The following RUNDC3B variants were observed in gnomAD, a reference collection of about 807,000 sequenced individuals.
RUNDC3B encodes the protein RUN domain-containing protein 3B.
In RUNDC3B, 33 loss-of-function variants were observed where a neutral mutation model predicts 58.4. That is an observed-to-expected ratio of 0.56 (90% CI 0.43 to 0.75). The LOEUF (loss-of-function observed/expected upper bound fraction) is 0.75. Among genes scored for constraint, RUNDC3B ranks in the 30% least tolerant of loss-of-function variants. The pLI is 0.00. For missense variants in RUNDC3B, 501 were observed against 535.7 expected, an observed-to-expected ratio of 0.94 and a Z score of 0.64; for synonymous variants, 193 against 195.2, an observed-to-expected ratio of 0.99 and a Z score of 0.10.
chr7:87,681,517 C>A (rs1826925874), intron 2 of RUNDC3B, among the ~76,000 whole-genome samples: 1 of 150,814 alleles, frequency 6.6e-6, no homozygotes, highest in Non-Finnish European at 1.5e-5. Flanking sequence ...ACACTGTAAT[C>A]TATTAAGTGT....
intron 6 of RUNDC3B, among the ~76,000 whole-genome samples, chr7:87,759,695 G>GACT (rs2130850976): frequency 6.6e-6 from 1 of 151,708 alleles, no homozygotes; most frequent in South Asian, 2.1e-4. Context: ...CTACTTGGGA[G>GACT]ACTAAGGGGA....
chr7:87,780,454 T>G (rs1834864441), intron 8 of RUNDC3B, among the ~76,000 whole-genome samples: 1 of 148,766 alleles, frequency 6.7e-6, no homozygotes, highest in African/African-American at 2.6e-5. Flanking sequence ...CTGGGGTTAT[T>G]TGTTTTTTTC....
chr7:87,821,133 A>G (rs1837400298), intron 10 of RUNDC3B, among the ~76,000 whole-genome samples: 1 of 151,616 alleles, frequency 6.6e-6, no homozygotes, highest in African/African-American at 2.4e-5. Context: ...TTGTATATCT[A>G]GAAAACCCCA....
chr7:87,810,710 C>T (rs1029485574), intron 9 of RUNDC3B, among the ~76,000 whole-genome samples: 4 of 152,104 alleles, frequency 2.6e-5, no homozygotes, highest in Non-Finnish European at 4.4e-5. Flanking sequence ...AATATAATTT[C>T]GTTTATTTAT....
At chr7:87,701,949 C>CTGG (rs1829080972) in intron 3 of RUNDC3B, among the ~76,000 whole-genome samples, 1 of 151,844 alleles carries the variant, frequency 6.6e-6, no homozygotes, top group African/African-American at 2.4e-5. Flanking sequence ...CGAGACCATC[C>CTGG]TGGCTAACAT....
chr7:87,720,319 T>TGA (rs1387542106), intron 4 of RUNDC3B, among the ~76,000 whole-genome samples: 6 of 151,866 alleles, frequency 4.0e-5, no homozygotes, highest in East Asian at 3.9e-4. Flanking sequence ...GATAGAAAGA[T>TGA]GAGAGAGAGA....
chr7:87,723,823 G>A (rs1396096838), intron 4 of RUNDC3B, among the ~76,000 whole-genome samples: 1 of 151,704 alleles, frequency 6.6e-6, no homozygotes, highest in Non-Finnish European at 1.5e-5. Flanking sequence ...ACAAAAATCA[G>A]CCAATATTTA....
intron 10 of RUNDC3B, among the ~76,000 whole-genome samples, chr7:87,823,158 A>C (rs1000704910): frequency 1.3e-5 from 2 of 152,136 alleles, no homozygotes; most frequent in Non-Finnish European, 2.9e-5. Context: ...GGATCAGGCC[A>C]CCTTTAGCCA....
intron 2 of RUNDC3B, among the ~76,000 whole-genome samples, chr7:87,664,650 A>AT (rs1825049960): frequency 6.6e-6 from 1 of 152,188 alleles, no homozygotes; most frequent in Non-Finnish European, 1.5e-5. Flanking sequence ...CAGAATGGAG[A>AT]TGATAGAGGT....
At chr7:87,637,464 T>A (rs1821893214) in intron 1 of RUNDC3B, among the ~76,000 whole-genome samples, 1 of 152,182 alleles carries the variant, frequency 6.6e-6, no homozygotes, top group Non-Finnish European at 1.5e-5. Flanking sequence ...TTTTCTGGGA[T>A]TTTTATTAAG....
In RUNDC3B at chr7:87,628,411, G is replaced by C. The variant is rs1820816947; in HGVS notation, c.-413G>C. Reference sequence around the variant, plus strand: ...GCCGGGGGCCTTGCCGCTGCCTCCCGGGCTGGGGCACGAGTGGCTGCGGAG... The same window carrying C: ...GCCGGGGGCCTTGCCGCTGCCTCCCCGGCTGGGGCACGAGTGGCTGCGGAG... On this transcript the variant is annotated 5_prime_UTR_variant, in exon 1 of 11. Transcript: ENST00000394654. The C allele has an allele frequency of 6.3e-6, 1 of 159,470 alleles. No homozygotes were observed. The highest frequency in any genetic ancestry group is 2.0e-4 in the South Asian group (1 of 4,896). 9.9% of individuals were successfully genotyped at this position (159,470 alleles called of 1,614,324 possible).
At chr7:87,640,494 C>A (rs1303344038) in intron 1 of RUNDC3B, among the ~76,000 whole-genome samples, 2 of 151,968 alleles carry the variant, frequency 1.3e-5, no homozygotes, top group African/African-American at 4.8e-5. Context: ...CAGACATGCA[C>A]CACCACACCC....
rs1299422317 is a variant in RUNDC3B at position 87,750,705 on chromosome 7, C to T, written c.629+9126C>T. Reference sequence around the variant, plus strand: ...TTGAGAAGTGTCTGTTCATGTCCTTCGCCCACTTTTTGATGGGGTTGTTTG... The same window carrying T: ...TTGAGAAGTGTCTGTTCATGTCCTTTGCCCACTTTTTGATGGGGTTGTTTG... On this transcript the variant is annotated intron_variant, in intron 6 of 10. Coordinates refer to ENST00000394654, the MANE Select transcript of RUNDC3B (RefSeq NM_001134405.2). Among the ~76,000 whole-genome samples the T allele has an allele frequency of 1.7e-4, 26 of 150,690 alleles. No homozygotes were observed. The East Asian group carries it at 2.5e-3, about 15-fold the overall frequency.
intron 3 of RUNDC3B, among the ~76,000 whole-genome samples, chr7:87,703,915 T>TTTTTTTTTTTTTTTTTTTTG (rs1829353332): frequency 1.1e-4 from 2 of 18,530 alleles, no homozygotes; most frequent in Non-Finnish European, 1.1e-4. Context: ...TTTTTTTTGG[T>TTTTTTTTTTTTTTTTTTTTG]TTTTTTTTTT....
chr7:87,786,188 G>T (rs556093183), intron 8 of RUNDC3B, among the ~76,000 whole-genome samples: 1 of 152,028 alleles, frequency 6.6e-6, no homozygotes, highest in South Asian at 2.1e-4. Flanking sequence ...TCCTAAAAAC[G>T]TTCCTAGAAT....
intron 10 of RUNDC3B, among the ~76,000 whole-genome samples, chr7:87,825,374 C>CT (rs1176911537): frequency 6.6e-6 from 1 of 152,190 alleles, no homozygotes; most frequent in Non-Finnish European, 1.5e-5. Context: ...GGTGTTGAGC[C>CT]TGCAAGTGCA....
intron 2 of RUNDC3B, among the ~76,000 whole-genome samples, chr7:87,677,085 A>G (rs1430413996): frequency 6.6e-6 from 1 of 152,190 alleles, no homozygotes; most frequent in Non-Finnish European, 1.5e-5. Flanking sequence ...TCAAAAAATT[A>G]CAAGTAGAAC....
intron 9 of RUNDC3B, among the ~76,000 whole-genome samples, chr7:87,812,451 C>A (rs1836776394): frequency 6.6e-6 from 1 of 151,946 alleles, no homozygotes. Flanking sequence ...TCCACTAAAA[C>A]TACAAAAATT....
chr7:87,828,553 T>G (rs559574225), intron 10 of RUNDC3B, among the ~76,000 whole-genome samples: 1 of 152,322 alleles, frequency 6.6e-6, no homozygotes, highest in East Asian at 1.9e-4. Context: ...GGACATGATG[T>G]CATTCCTTTT....
Sources: allele counts gnomAD v4.1 joint callset (sites outside exome capture counted in the v4.1 genomes callset), GRCh38; gene constraint gnomAD v4.1.1; transcripts MANE v1.5; gene names NCBI Gene and HGNC (gene_info 2026-07-23, HGNC 2026-07-21).